SHANK2: variants seen among roughly 807,000 people sequenced by gnomAD.
SHANK2 encodes SH3 and multiple ankyrin repeat domains protein 2.
A neutral mutation model predicts 133.7 loss-of-function variants in SHANK2; 43 were observed. The observed-to-expected ratio is 0.32, with a 90% CI of 0.25 to 0.41. SHANK2 has a LOEUF of 0.41. SHANK2 is among the 10% of genes least tolerant of loss of function. The pLI is 1.00. For synonymous variants in SHANK2, 1,017 were observed against 952.8 expected, an observed-to-expected ratio of 1.07 and a Z score of -1.24; for missense variants, 1,994 against 2,235.8, an observed-to-expected ratio of 0.89 and a Z score of 2.18.
chr11:70,532,725 G>C (rs2059490844), intron 17 of SHANK2, among the ~76,000 whole-genome samples: 2 of 151,916 alleles, frequency 1.3e-5, no homozygotes, highest in South Asian at 4.2e-4. Context: ...GTTAAACACA[G>C]AATTACCCAA....
In SHANK2 at chr11:70,527,623, C is replaced by A. The variant is rs4980536; in HGVS notation, c.2062-24692G>T. 3.5e-3 allele frequency among the ~76,000 whole-genome samples: 538 copies of A among 152,352 alleles called. 7 individuals are homozygous for A. Among genetic ancestry groups the A allele is most frequent in the East Asian group, 0.014 (75 of 5,178 alleles). On this transcript the variant is annotated intron_variant, in intron 17 of 25. Transcript: ENST00000601538. ...TCTGAGAGGCGCCTCCTCCCTGGAGCCCCCGTGGTGGTGAAAGGAGCAGGG... is the reference window on the plus strand; with the variant it reads ...TCTGAGAGGCGCCTCCTCCCTGGAGACCCCGTGGTGGTGAAAGGAGCAGGG...
rs1442832762 is a variant in SHANK2 at position 71,230,464 on chromosome 11, G to T, written c.-112-5668C>A. ...GGCACCTGTAGTACTAGCTACTCGG[G>T]AGGCTGAGGCAGGAGAATGGCGTGA... On this transcript the variant is annotated intron_variant, in intron 1 of 25. Coordinates refer to ENST00000601538, the MANE Select transcript of SHANK2 (RefSeq NM_012309.5). 2.5e-4 allele frequency among the ~76,000 whole-genome samples: 38 copies of T among 152,022 alleles called. 2 individuals carry two copies. Among genetic ancestry groups the T allele is most frequent in the Admixed American group, 2.5e-3 (38 of 15,260 alleles).
intron 9 of SHANK2, among the ~76,000 whole-genome samples, chr11:71,057,050 A>G: frequency 6.6e-6 from 1 of 152,216 alleles, no homozygotes. Flanking sequence ...AAACAATAAT[A>G]TTGGCCATGC....
At chr11:70,860,222 AC>A (rs1949236701) in intron 11 of SHANK2, among the ~76,000 whole-genome samples, 3 of 151,304 alleles carry the variant, frequency 2.0e-5, no homozygotes, top group Admixed American at 1.3e-4. Context: ...AACCTTCTCT[AC>A]CCGCCCCAAA....
intron 11 of SHANK2, among the ~76,000 whole-genome samples, chr11:70,855,016 G>T (rs1484442134): frequency 6.6e-6 from 1 of 152,326 alleles, no homozygotes; most frequent in East Asian, 1.9e-4. Context: ...AATCTAGGAG[G>T]TCTGGGCCCG....
intron 11 of SHANK2, among the ~76,000 whole-genome samples, chr11:70,891,727 C>T (rs1949848873): frequency 6.6e-6 from 1 of 152,070 alleles, no homozygotes; most frequent in Admixed American, 6.5e-5. Context: ...CGGTCTCCAT[C>T]CCCCAGGGTA....
intron 17 of SHANK2, among the ~76,000 whole-genome samples, chr11:70,615,547 G>T (rs2060727520): frequency 6.6e-6 from 1 of 152,184 alleles, no homozygotes; most frequent in South Asian, 2.1e-4. Flanking sequence ...CGGCGCAAGG[G>T]AGCACATGCA....
chr11:70,733,699 G>T (rs1555032782), intron 14 of SHANK2, among the ~76,000 whole-genome samples: 1 of 152,242 alleles, frequency 6.6e-6, no homozygotes, highest in Non-Finnish European at 1.5e-5. Flanking sequence ...CTAGGTCATG[G>T]AGAGGGGGGT....
intron 2 of SHANK2, among the ~76,000 whole-genome samples, chr11:71,164,315 G>A (rs1555110409): frequency 6.6e-6 from 1 of 152,220 alleles, no homozygotes; most frequent in African/African-American, 2.4e-5. Flanking sequence ...TTGCATCTCA[G>A]CAGTGTCTGT....
At chr11:70,619,668 C>G (rs1200404714) in intron 17 of SHANK2, among the ~76,000 whole-genome samples, 1 of 152,202 alleles carries the variant, frequency 6.6e-6, no homozygotes, top group Non-Finnish European at 1.5e-5. Flanking sequence ...CTGGGCTCTG[C>G]AGAGAGGCTG....
intron 2 of SHANK2, among the ~76,000 whole-genome samples, chr11:71,177,480 A>G (rs1341010367): frequency 6.6e-6 from 1 of 152,212 alleles, no homozygotes; most frequent in Non-Finnish European, 1.5e-5. Context: ...AGTAAGATAA[A>G]GATTTATGCT....
intron 10 of SHANK2, among the ~76,000 whole-genome samples, chr11:70,914,115 C>T (rs1390537856): frequency 2.0e-5 from 3 of 152,264 alleles, no homozygotes; most frequent in Admixed American, 6.5e-5. Flanking sequence ...TGCAGGGCCC[C>T]GCCCAGCCAC....
chr11:70,486,251 C>T lies in SHANK2; in HGVS notation c.4042G>A (p.Val1348Met). The change falls in exon 25 of 26, where the codon GTG (valine) becomes ATG (methionine). Residue 1348 changes from valine (V) to methionine (M), a missense_variant. Val to Met is a conservative substitution (Grantham distance 21). This residue lies in a region of SHANK2 where 797 missense variants were observed against 907.4 expected (regional missense o/e 0.88). Transcript: ENST00000601538. The surrounding 1 kb of genome is among the most constrained non-coding windows in gnomAD (Gnocchi z 8.0). ...EMKPDSSPSEVPEGVSETEGA... is the reference protein window; with the variant it reads ...EMKPDSSPSEMPEGVSETEGA... ...TCGGTTTCGGAAACACCTTCTGGCA[C>T]CTCGGACGGCGAGCTGTCTGGCTTC... 6.2e-7 allele frequency: 1 copy of T among 1,614,026 alleles called. No individual in the cohort carries two copies. The highest frequency in any genetic ancestry group is 8.5e-7 in the Non-Finnish European group (1 of 1,180,030).
At chr11:70,525,865 C>T (rs1242731478) in intron 17 of SHANK2, among the ~76,000 whole-genome samples, 2 of 151,984 alleles carry the variant, frequency 1.3e-5, no homozygotes, top group Admixed American at 6.5e-5. Flanking sequence ...CCTTCCCCCT[C>T]CCTGCTCTGT....
At chr11:70,643,398 C>T (rs1193514935) in intron 17 of SHANK2, among the ~76,000 whole-genome samples, 5 of 152,072 alleles carry the variant, frequency 3.3e-5, no homozygotes, top group African/African-American at 1.2e-4. Context: ...CCCGTCTCTA[C>T]TAAAAATACA....
At chr11:70,625,259 C>T (rs541572646) in intron 17 of SHANK2, among the ~76,000 whole-genome samples, 1 of 152,256 alleles carries the variant, frequency 6.6e-6, no homozygotes, top group East Asian at 1.9e-4. Flanking sequence ...GGGGCATTGC[C>T]GCCAGGGATG....
intron 14 of SHANK2, among the ~76,000 whole-genome samples, chr11:70,793,431 A>T (rs1555048473): frequency 6.6e-6 from 1 of 152,226 alleles, no homozygotes; most frequent in Non-Finnish European, 1.5e-5. Flanking sequence ...CAGGCTGGGA[A>T]AAATGTTTGC....
intron 14 of SHANK2, among the ~76,000 whole-genome samples, chr11:70,752,197 C>G (rs1447410445): frequency 1.3e-5 from 2 of 152,188 alleles, no homozygotes; most frequent in South Asian, 2.1e-4. Flanking sequence ...AATCCCTCCC[C>G]CCTTGGCCTC....
intron 3 of SHANK2, among the ~76,000 whole-genome samples, chr11:71,126,249 C>T (rs1271871890): frequency 9.2e-6 from 1 of 108,346 alleles, no homozygotes; most frequent in Non-Finnish European, 2.0e-5. Context: ...AAGAATTATA[C>T]TAAATTAACT....
Sources: allele counts gnomAD v4.1 joint callset (sites outside exome capture counted in the v4.1 genomes callset), GRCh38; gene constraint gnomAD v4.1.1; regional missense constraint gnomAD v4.1.1; non-coding constraint Gnocchi (gnomAD v3.1); transcripts MANE v1.5; gene names NCBI Gene and HGNC (gene_info 2026-07-23, HGNC 2026-07-21).